The following AKAP19 variants were observed in gnomAD, a reference collection of about 807,000 sequenced individuals.
The protein encoded by AKAP19 is A-kinase anchoring protein 19.
chr2:190,107,281 T>C, the AKAP19 span, among the ~76,000 whole-genome samples: 1 of 152,160 alleles, frequency 6.6e-6, no homozygotes, highest in African/African-American at 2.4e-5. Flanking sequence ...TCTTTATCTG[T>C]AAAATGGGAA....
chr2:189,967,930 G>A, the AKAP19 span, among the ~76,000 whole-genome samples: 1 of 151,738 alleles, frequency 6.6e-6, no homozygotes, highest in East Asian at 1.9e-4. Context: ...AAATATTGGA[G>A]AGCAATAGCA....
chr2:190,126,988 T>C, the AKAP19 span, among the ~76,000 whole-genome samples: 2 of 152,038 alleles, frequency 1.3e-5, no homozygotes, highest in African/African-American at 2.4e-5. Context: ...ATCTTCAGCA[T>C]ATTTCAGTAC....
the AKAP19 span, among the ~76,000 whole-genome samples, chr2:189,967,067 G>A: frequency 1.3e-5 from 2 of 152,070 alleles, no homozygotes; most frequent in African/African-American, 4.8e-5. Flanking sequence ...TCTTCCTTAT[G>A]GGTAAGTGTG....
the AKAP19 span, among the ~76,000 whole-genome samples, chr2:189,987,669 G>C: frequency 1.3e-5 from 2 of 152,058 alleles, no homozygotes; most frequent in East Asian, 1.9e-4. Flanking sequence ...ATAAGTAAGG[G>C]GATTTTTCTA....
the AKAP19 span, among the ~76,000 whole-genome samples, chr2:190,093,657 A>G: frequency 6.6e-6 from 1 of 152,162 alleles, no homozygotes; most frequent in East Asian, 1.9e-4. Context: ...TTCTTCATCC[A>G]TAATTTCATT....
the AKAP19 span, among the ~76,000 whole-genome samples, chr2:190,031,592 G>T: frequency 1.3e-5 from 2 of 152,082 alleles, no homozygotes; most frequent in Admixed American, 1.3e-4. Flanking sequence ...ATGAAGAATT[G>T]CTGGAAATTA....
chr2:190,202,549 A>T, the AKAP19 span: 1 of 167,174 alleles, frequency 6.0e-6, no homozygotes. Flanking sequence ...CACTGATAGG[A>T]TATTAGCCTT....
the AKAP19 span, among the ~76,000 whole-genome samples, chr2:190,039,238 A>T: frequency 6.6e-6 from 1 of 151,824 alleles, no homozygotes; most frequent in South Asian, 2.1e-4. Context: ...GCCATCATGC[A>T]CAGCTCATTT....
At chr2:189,971,994 C>A in the AKAP19 span, among the ~76,000 whole-genome samples, 1 of 152,008 alleles carries the variant, frequency 6.6e-6, no homozygotes, top group African/African-American at 2.4e-5. Context: ...TAATTAGATC[C>A]CATTTGTCAA....
chr2:190,149,150 A>G, the AKAP19 span, among the ~76,000 whole-genome samples: 3 of 151,830 alleles, frequency 2.0e-5, no homozygotes, highest in Non-Finnish European at 4.4e-5. Flanking sequence ...TTTAGTAGAG[A>G]TGGGGTTTCA....
the AKAP19 span, among the ~76,000 whole-genome samples, chr2:190,125,279 C>G: frequency 6.6e-6 from 1 of 151,786 alleles, no homozygotes; most frequent in Non-Finnish European, 1.5e-5. Flanking sequence ...TGCAGATAAT[C>G]ATATGGGACC....
the AKAP19 span, among the ~76,000 whole-genome samples, chr2:189,994,832 C>T: frequency 2.0e-5 from 3 of 152,172 alleles, no homozygotes; most frequent in Admixed American, 6.5e-5. Flanking sequence ...CTCCTGACAT[C>T]AGGTTATCCA....
the AKAP19 span, among the ~76,000 whole-genome samples, chr2:190,002,477 G>T: frequency 6.6e-6 from 1 of 151,908 alleles, no homozygotes; most frequent in Admixed American, 6.6e-5. Context: ...CACCAACATG[G>T]CACATGTATA....
chr2:190,185,212 G>A, the AKAP19 span, among the ~76,000 whole-genome samples: 5 of 152,250 alleles, frequency 3.3e-5, 1 homozygote, highest in East Asian at 9.6e-4. Context: ...AAATGAAGTG[G>A]TTTTACTACA....
chr2:189,879,757 ACCCCAAGTTACCCATTTGC>A, the AKAP19 span: 15 of 152,442 alleles, frequency 9.8e-5, no homozygotes, highest in African/African-American at 3.6e-4. Context: ...GGAAAGCTTC[ACCCCAAGTTACCCATTTGC>A]CTCTTTAGGC....
chr2:190,203,471 C>A, the AKAP19 span: 2 of 165,594 alleles, frequency 1.2e-5, no homozygotes, highest in Non-Finnish European at 2.9e-5. Context: ...CAATAAAAGT[C>A]CAGTTGCAAT....
chr2:189,977,871 A>G, the AKAP19 span, among the ~76,000 whole-genome samples: 1 of 152,264 alleles, frequency 6.6e-6, no homozygotes, highest in Non-Finnish European at 1.5e-5. Flanking sequence ...TTGCCATAAC[A>G]GTACACATTC....
At chr2:189,922,419 T>C in the AKAP19 span, among the ~76,000 whole-genome samples, 1 of 152,164 alleles carries the variant, frequency 6.6e-6, no homozygotes, top group Non-Finnish European at 1.5e-5. Context: ...ATAACCAATA[T>C]GAGTTGTCTA....
the AKAP19 span, among the ~76,000 whole-genome samples, chr2:190,160,710 T>A: frequency 0.014 from 2,072 of 151,656 alleles, 21 homozygotes; most frequent in Middle Eastern, 0.037. Context: ...GATTTTTTTT[T>A]AAAAAAGAAG....
Sources: allele counts gnomAD v4.1 joint callset (sites outside exome capture counted in the v4.1 genomes callset), GRCh38; gene constraint gnomAD v4.1.1; transcripts MANE v1.5; gene names NCBI Gene and HGNC (gene_info 2026-07-23, HGNC 2026-07-21).